RUFY2: variants seen among roughly 807,000 people sequenced by gnomAD.
RUFY2 encodes the protein RUN and FYVE domain-containing protein 2.
RUFY2 carries 49 observed loss-of-function variants against 94.4 expected under a neutral mutation model. The ratio of observed to expected loss-of-function variants is 0.52; its 90% CI spans 0.41 to 0.66. The LOEUF (loss-of-function observed/expected upper bound fraction) is 0.66. Among genes scored for constraint, RUFY2 ranks in the 30% least tolerant of loss-of-function variants. RUFY2 has a pLI of 0.00. For synonymous variants in RUFY2, 255 were observed against 235.7 expected (o/e 1.08, Z -0.75); for missense variants, 541 against 692.8 (o/e 0.78, Z 2.46).
chr10:68,363,634 A>G lies in RUFY2; in HGVS notation c.1506T>C (p.His502=), dbSNP rs1437303041. The change falls in exon 15 of 18, where the codon CAT becomes CAC. Residue 502 remains histidine (H), a synonymous_variant. Transcript: ENST00000602465. The stretch of plus-strand genomic sequence containing the variant: ...GTTCTTGAAGAGCTTGCTCTTGTTC[A>G]TGATATATTTTTTTCAACTGCTGAT... ...DENQQLKKIY[H]EQEQALQELG... 2 of 1,609,246 alleles carry G rather than the reference A, an allele frequency of 1.2e-6. No individual in the cohort carries two copies. Among genetic ancestry groups the G allele is most frequent in the South Asian group, 1.1e-5 (1 of 89,842 alleles).
intron 13 of RUFY2, among the ~76,000 whole-genome samples, chr10:68,365,526 A>G (rs1215068672): frequency 6.6e-6 from 1 of 152,218 alleles, no homozygotes; most frequent in African/African-American, 2.4e-5. Flanking sequence ...TGGGTGCCTG[A>G]GCCACCAGGA....
chr10:68,388,849 AAAAAAG>A (rs914803311), intron 7 of RUFY2, among the ~76,000 whole-genome samples: 21 of 125,394 alleles, frequency 1.7e-4, no homozygotes, highest in African/African-American at 5.0e-4. Context: ...AAAAAAAAAA[AAAAAAG>A]AAAAGAAAAG....
Position 68,366,773 on chromosome 10 carries a change from TTAAA to T in RUFY2, c.1326-2664_1326-2661del, listed in dbSNP as rs758316605. On this transcript the variant is annotated intron_variant, in intron 13 of 17. Coordinates refer to ENST00000602465, the MANE Select transcript of RUFY2 (RefSeq NM_001330103.2). Reference sequence around the variant, plus strand: ...ATATATATATATAATATTAAATATATTAAATAAATAATTAATAATATATAATATA... The same window carrying T: ...ATATATATATATAATATTAAATATATTAAATAATTAATAATATATAATATA... 5.2e-4 allele frequency among the ~76,000 whole-genome samples: 66 copies of T among 127,544 alleles called. No homozygotes were observed. The East Asian group carries it at 6.4e-3, about 12-fold the overall frequency. The allele number at this position is 127,544 out of a possible 152,430, so 83.7% of individuals were successfully genotyped here. A position where few individuals can be genotyped will look rare whatever the true frequency, so the allele number is the denominator to read the frequency against.
intron 3 of RUFY2, among the ~76,000 whole-genome samples, chr10:68,400,000 G>A (rs777037826): frequency 4.6e-4 from 69 of 151,562 alleles, no homozygotes; most frequent in Admixed American, 9.2e-4. Flanking sequence ...GGCTGGTCTC[G>A]AACTCCCAAC....
At chr10:68,370,084 G>C (rs1358209614) in intron 13 of RUFY2, among the ~76,000 whole-genome samples, 1 of 152,098 alleles carries the variant, frequency 6.6e-6, no homozygotes, top group African/African-American at 2.4e-5. Context: ...AGGAGCTCGA[G>C]ACCAGCCTGA....
Position 68,364,086 on chromosome 10 carries a change from A to G in RUFY2, c.1353T>C (p.Ile451=). The change falls in exon 14 of 18, where the codon ATT becomes ATC. Residue 451 remains isoleucine, a synonymous_variant. Coordinates refer to ENST00000602465, the MANE Select transcript of RUFY2 (RefSeq NM_001330103.2). The part of the protein sequence containing the change: ...QLVQLETDLK[I]EKEWRQTLQE... Reference sequence around the variant, plus strand: ...GCAAAGTCTGCCTCCATTCCTTCTCAATCTTCAAGTCAGTTTCCAGTTGCA... The same window carrying G: ...GCAAAGTCTGCCTCCATTCCTTCTCGATCTTCAAGTCAGTTTCCAGTTGCA... 6.2e-7 allele frequency: 1 copy of G among 1,613,236 alleles called. No homozygotes were observed. The highest frequency in any genetic ancestry group is 8.5e-7 in the Non-Finnish European group (1 of 1,179,576).
intron 16 of RUFY2, among the ~76,000 whole-genome samples, chr10:68,352,692 A>AG (rs1340335369): frequency 1.3e-5 from 2 of 152,166 alleles, no homozygotes; most frequent in Non-Finnish European, 2.9e-5. Context: ...GCACTTTGGG[A>AG]GGCCAAGGTG....
chr10:68,358,659 C>T (rs1488659642), intron 15 of RUFY2, among the ~76,000 whole-genome samples: 1 of 152,158 alleles, frequency 6.6e-6, no homozygotes, highest in Non-Finnish European at 1.5e-5. Flanking sequence ...ACCTGTAATT[C>T]CAGCACTTTG....
chr10:68,345,012 TGA>T lies in RUFY2; in HGVS notation c.*754_*755del. ...GTGTTTTCATCTTTGAATTGGGGTC[TGA>T]GTCACCCCTTAAAAAAACAGCAATT... On this transcript the variant is annotated 3_prime_UTR_variant, in exon 18 of 18. Transcript: ENST00000602465. The T allele has an allele frequency of 6.6e-6, 1 of 152,336 alleles. No homozygotes were observed. Among genetic ancestry groups the T allele is most frequent in the East Asian group, 1.9e-4 (1 of 5,194 alleles). The allele number at this position is 152,336 out of a possible 1,614,324, so 9.4% of individuals were successfully genotyped here. A position where few individuals can be genotyped will look rare whatever the true frequency, so the allele number is the denominator to read the frequency against.
At chr10:68,342,693 G>C (rs2046035691), downstream of RUFY2, 1 of 152,554 alleles carries the variant, frequency 6.6e-6, no homozygotes, top group Non-Finnish European at 1.5e-5. Flanking sequence ...TCTAGCCCTA[G>C]ATTTTGGAGT....
rs1310928845 is a variant in RUFY2, at chr10:68,387,229, C to A, written c.651-1101G>T. Among the ~76,000 whole-genome samples, 3 of 151,926 alleles carry A rather than the reference C, an allele frequency of 2.0e-5. No individual in the cohort carries two copies. The East Asian group carries it at 5.8e-4, about 29-fold the overall frequency. ...AAACTTAGCCAAGCGTGGTGGCGGG[C>A]GTCTGTAATCCCAGCTACTTGGGTG... On this transcript the variant is annotated intron_variant, in intron 7 of 17. Transcript: ENST00000602465.
rs767048107 is a variant in RUFY2, at chr10:68,396,899, T to C, written c.297-18A>G. 2 of 1,579,840 alleles carry C rather than the reference T, an allele frequency of 1.3e-6. No homozygotes were observed. Among genetic ancestry groups the C allele is most frequent in the Non-Finnish European group, 1.7e-6 (2 of 1,150,252 alleles). On this transcript the variant is annotated intron_variant, in intron 3 of 17. Transcript: ENST00000602465. ...GAGGGGTCCTAAAGAGAAGAACCAA[T>C]TGATCAGAAAACAGCCCTAGCCCAA... is the stretch of plus-strand genomic sequence containing the variant.
intron 13 of RUFY2, among the ~76,000 whole-genome samples, chr10:68,374,572 G>A (rs376859342): frequency 4.1e-4 from 62 of 152,086 alleles, no homozygotes; most frequent in African/African-American, 1.5e-3. Flanking sequence ...AATTACAGTT[G>A]GATATTTCAA....
chr10:68,404,726 G>C lies in RUFY2; in HGVS notation c.123C>G (p.Pro41=), dbSNP rs1356491408. ...SFGRTLDSDY[P]PLQQFFVVME... ...TAACAACAAAGAATTGCTGCAAGGG[G>C]GGATAGTCAGAATCCAAAGTGCGGC... The change falls in exon 2 of 18, where the codon CCC becomes CCG. Residue 41 remains proline, a synonymous_variant. Transcript: ENST00000602465. 6.2e-7 allele frequency: 1 copy of C among 1,613,008 alleles called. No homozygotes were observed. Among genetic ancestry groups the C allele is most frequent in the African/African-American group, 1.3e-5 (1 of 74,954 alleles).
intron 1 of RUFY2, chr10:68,405,317 AAAAAAAAAAAG>A (rs1275843229): frequency 6.6e-6 from 2 of 305,028 alleles, no homozygotes; most frequent in African/African-American, 4.6e-5. Context: ...GTCTCACAAA[AAAAAAAAAAAG>A]AAAAAGAAAG....
In RUFY2 at chr10:68,378,524, T is replaced by C. The variant is rs1453928424; in HGVS notation, c.1205+900A>G. The C allele has an allele frequency of 2.0e-6, 3 of 1,480,364 alleles. No homozygotes were observed. The South Asian group carries it at 4.2e-5, about 21-fold the overall frequency. The allele number at this position is 1,480,364 out of a possible 1,614,324, so 91.7% of individuals were successfully genotyped here. On this transcript the variant is annotated intron_variant, in intron 12 of 17. Transcript: ENST00000602465. ...ATTTAATATATTATAAAATTGTTGATTCTCTTTTCATTTAGTCTGTTTAAA... is the reference window on the plus strand; with the variant it reads ...ATTTAATATATTATAAAATTGTTGACTCTCTTTTCATTTAGTCTGTTTAAA...
rs781367467 is a variant in RUFY2 at position 68,383,798 on chromosome 10, C to G, written c.939G>C (p.Gln313His). The G allele has an allele frequency of 1.9e-6, 3 of 1,591,046 alleles. No individual in the cohort carries two copies. The highest frequency in any genetic ancestry group is 2.7e-5 in the African/African-American group (2 of 74,424). Residue 313 changes from glutamine (Q) to histidine (H), a missense_variant and splice_region_variant, in exon 10 of 18, where the codon CAG (glutamine) becomes CAC (histidine). Physicochemically the swap from Gln to His is conservative, Grantham distance 24. Coordinates refer to ENST00000602465, the MANE Select transcript of RUFY2 (RefSeq NM_001330103.2). The stretch of plus-strand genomic sequence containing the variant: ...TAATGTAATTTTTAATATAACCTAC[C>G]TGTCGTAACTGAGATTCATCTCGAA... ...RQLRDESQLR[Q>H]DVENELAVQV...
intron 10 of RUFY2, among the ~76,000 whole-genome samples, chr10:68,382,923 T>C (rs895756072): frequency 3.3e-5 from 5 of 152,200 alleles, no homozygotes; most frequent in Non-Finnish European, 1.5e-5. Flanking sequence ...TAATTTTAAA[T>C]ATGACTTTCC....
chr10:68,368,462 C>G (rs1339122284), intron 13 of RUFY2, among the ~76,000 whole-genome samples: 2 of 150,492 alleles, frequency 1.3e-5, no homozygotes, highest in Admixed American at 1.3e-4. Context: ...GAGTTCAAGA[C>G]CAGCCTGACC....
Sources: allele counts gnomAD v4.1 joint callset (sites outside exome capture counted in the v4.1 genomes callset), GRCh38; gene constraint gnomAD v4.1.1; transcripts MANE v1.5; gene names NCBI Gene and HGNC (gene_info 2026-07-23, HGNC 2026-07-21).